The following KCNIP4 variants were observed in gnomAD, a reference collection of about 807,000 sequenced individuals.
KCNIP4 encodes the protein potassium voltage-gated channel interacting protein 4.
In KCNIP4, 12 loss-of-function variants were observed where a neutral mutation model predicts 34.0. The observed-to-expected ratio is 0.35, with a 90% confidence interval of 0.23 to 0.57. The LOEUF (loss-of-function observed/expected upper bound fraction) is 0.57. Among genes scored for constraint, KCNIP4 ranks in the 20% least tolerant of loss-of-function variants. KCNIP4 has a pLI of 0.83. For synonymous variants in KCNIP4, 124 were observed against 102.2 expected, an observed-to-expected ratio of 1.21 and a Z score of -1.29; for missense variants, 238 against 311.7, an observed-to-expected ratio of 0.76 and a Z score of 1.78.
At chr4:21,533,421 A>G (rs1736879445) in intron 1 of KCNIP4, among the ~76,000 whole-genome samples, 1 of 152,140 alleles carries the variant, frequency 6.6e-6, no homozygotes, top group Non-Finnish European at 1.5e-5. Context: ...TCAAATATAG[A>G]TGACACCAAA....
intron 1 of KCNIP4, among the ~76,000 whole-genome samples, chr4:21,337,869 G>A (rs56321630): frequency 0.05 from 7,541 of 152,136 alleles, 354 homozygotes; most frequent in East Asian, 0.19. Context: ...TTAGGATTGC[G>A]TTTGGCTACA....
chr4:20,837,889 C>T (rs1373372421), intron 3 of KCNIP4, among the ~76,000 whole-genome samples: 1 of 151,046 alleles, frequency 6.6e-6, no homozygotes, highest in East Asian at 1.9e-4. Flanking sequence ...GGGGTTTTGC[C>T]ATGGTGGCCA....
At chr4:21,246,519 A>G (rs943375621) in intron 1 of KCNIP4, among the ~76,000 whole-genome samples, 20 of 152,196 alleles carry the variant, frequency 1.3e-4, no homozygotes, top group African/African-American at 3.6e-4. Context: ...CTGAAGAACC[A>G]TTATCGATTT....
chr4:21,116,066 A>G (rs1200200065), intron 1 of KCNIP4, among the ~76,000 whole-genome samples: 1 of 152,212 alleles, frequency 6.6e-6, no homozygotes, highest in Non-Finnish European at 1.5e-5. Context: ...CCTTTACACC[A>G]GCAAAGAAAA....
rs537728873 is a variant in KCNIP4 at position 20,915,979 on chromosome 4, C to A, written c.62-33270G>T. ...TTCAAACTGCATTCTTACACTCTCC[C>A]ATTTTTCATTCTTTTCCCATATGGC... is the stretch of plus-strand genomic sequence containing the variant. On this transcript the variant is annotated intron_variant, in intron 1 of 8. Transcript: ENST00000382152. Among the ~76,000 whole-genome samples the A allele has an allele frequency of 3.9e-5, 6 of 152,248 alleles. No individual in the cohort carries two copies. The South Asian group carries it at 1.2e-3, about 32-fold the overall frequency.
At chr4:21,430,072 C>A (rs1726302801) in intron 1 of KCNIP4, among the ~76,000 whole-genome samples, 1 of 152,080 alleles carries the variant, frequency 6.6e-6, no homozygotes, top group Admixed American at 6.6e-5. Context: ...GTATCTTGTG[C>A]ATAATGTTTT....
intron 3 of KCNIP4, among the ~76,000 whole-genome samples, chr4:20,810,623 T>G (rs146293053): frequency 2.2e-4 from 34 of 152,256 alleles, no homozygotes; most frequent in African/African-American, 7.2e-4. Context: ...ATGTAGATAT[T>G]ATATCATCAT....
chr4:21,820,306 TATATATATATATATATATAC>T (rs1722272600), intron 1 of KCNIP4, among the ~76,000 whole-genome samples: 2 of 137,870 alleles, frequency 1.5e-5, no homozygotes, highest in Non-Finnish European at 3.1e-5. Flanking sequence ...TATATATATA[TATATATATATATATATATAC>T]ATATATACAC....
chr4:21,844,402 G>T (rs984436362), intron 1 of KCNIP4: 2 of 151,968 alleles, frequency 1.3e-5, no homozygotes, highest in African/African-American at 4.8e-5. Flanking sequence ...AAAAAAAGCT[G>T]GTTGGTAATT....
intron 4 of KCNIP4, among the ~76,000 whole-genome samples, chr4:20,750,228 T>C (rs989524229): frequency 1.3e-5 from 2 of 152,166 alleles, no homozygotes; most frequent in African/African-American, 4.8e-5. Flanking sequence ...ATACCCAAAG[T>C]CACACAGTGA....
chr4:21,760,120 C>A (rs993374161), intron 1 of KCNIP4, among the ~76,000 whole-genome samples: 1 of 151,992 alleles, frequency 6.6e-6, no homozygotes, highest in Admixed American at 6.6e-5. Flanking sequence ...TGTTGCCGTG[C>A]AGCTCAATTA....
At chr4:20,848,248 G>A (rs376854920) in intron 3 of KCNIP4, among the ~76,000 whole-genome samples, 3 of 151,924 alleles carry the variant, frequency 2.0e-5, no homozygotes, top group African/African-American at 7.3e-5. Flanking sequence ...GGTGAGATGG[G>A]AGAAAGAGAA....
chr4:21,540,589 C>T (rs1737596768), intron 1 of KCNIP4, among the ~76,000 whole-genome samples: 2 of 152,118 alleles, frequency 1.3e-5, no homozygotes, highest in Admixed American at 6.6e-5. Context: ...AATGATGATT[C>T]ACTGTACTTT....
At chr4:21,488,794 T>C (rs1178210969) in intron 1 of KCNIP4, among the ~76,000 whole-genome samples, 1 of 151,956 alleles carries the variant, frequency 6.6e-6, no homozygotes, top group African/African-American at 2.4e-5. Context: ...AATCAAACTG[T>C]CAGAGGCCAA....
intron 1 of KCNIP4, among the ~76,000 whole-genome samples, chr4:21,498,838 A>G (rs1241896642): frequency 6.6e-6 from 1 of 152,202 alleles, no homozygotes; most frequent in East Asian, 1.9e-4. Flanking sequence ...AGTGAACCAC[A>G]TATCTTTCTC....
intron 1 of KCNIP4, among the ~76,000 whole-genome samples, chr4:21,742,642 T>A (rs1716492750): frequency 6.6e-6 from 1 of 152,134 alleles, no homozygotes; most frequent in African/African-American, 2.4e-5. Flanking sequence ...TTGGTCAAGT[T>A]AATGGTATGT....
At chr4:20,731,610 GT>G in intron 8 of KCNIP4, 2 of 985,104 alleles carry the variant, frequency 2.0e-6, no homozygotes, top group Non-Finnish European at 2.4e-6. Context: ...TTGGCCTGTT[GT>G]GATGCCATAC....
Position 21,377,965 on chromosome 4 carries a change from G to A in KCNIP4, c.62-495256C>T, listed in dbSNP as rs1401362280. Among the ~76,000 whole-genome samples, 4 of 152,164 alleles carry A rather than the reference G, an allele frequency of 2.6e-5. No individual in the cohort carries two copies. The East Asian group carries it at 7.7e-4, about 29-fold the overall frequency. On this transcript the variant is annotated intron_variant, in intron 1 of 8. Coordinates refer to ENST00000382152, the MANE Select transcript of KCNIP4 (RefSeq NM_025221.6). ...AGATTGGTATTTGTGCGTAGTGGTG[G>A]TGGTGGCGGGTACTTGCTATTTAGG... is the stretch of plus-strand genomic sequence containing the variant.
At chr4:21,657,545 ATATAT>A (rs1452194299) in intron 1 of KCNIP4, among the ~76,000 whole-genome samples, 6 of 152,198 alleles carry the variant, frequency 3.9e-5, no homozygotes, top group Non-Finnish European at 7.3e-5. Context: ...TCATTATTTG[ATATAT>A]TATAGTAGTT....
Sources: gnomAD v4.1 joint callset for allele counts (sites outside exome capture counted in the v4.1 genomes callset) on GRCh38, gnomAD v4.1.1 for gene constraint, MANE v1.5 for transcripts, NCBI Gene and HGNC (gene_info 2026-07-23, HGNC 2026-07-21) for gene names.